Variants in LRRC27 observed in about 807,000 individuals in gnomAD.
LRRC27 encodes the protein leucine rich repeat containing 27, also known as leucine-rich repeat-containing protein 27.
In LRRC27, 57 loss-of-function variants were observed where a neutral mutation model predicts 55.0. That is an observed-to-expected ratio of 1.04 (90% CI 0.84 to 1.29). The LOEUF is 1.29. Ranked by LOEUF, LRRC27 falls within the 50% of genes most tolerant of loss-of-function variation. The probability of loss-of-function intolerance (pLI) is 0.00; values close to 1 mark genes in which losing one functional copy is unlikely to be tolerated. For missense variants in LRRC27, 721 were observed against 651.5 expected (o/e 1.11, Z -1.16); for synonymous variants, 278 against 251.9 (o/e 1.10, Z -0.98).
rs1287960442 is a variant in LRRC27, at chr10:132,379,848, GC to G, written c.*4607del. On this transcript the variant is annotated 3_prime_UTR_variant, in exon 11 of 11. Transcript: ENST00000368614. ...GTGGATTTTTAAAAAAATATATATT[GC>G]AAAAATTTTTGGAAATTTGCAACAA... 5 of 152,152 alleles carry G rather than the reference GC, an allele frequency of 3.3e-5. No homozygotes were observed. Among genetic ancestry groups the G allele is most frequent in the Non-Finnish European group, 7.3e-5 (5 of 68,114 alleles). 9.4% of individuals were successfully genotyped at this position (152,152 alleles called of 1,614,324 possible). A position where few individuals can be genotyped will look rare whatever the true frequency, so the allele number is the denominator to read the frequency against.
chr10:132,349,663 C>T (rs2067911250), intron 6 of LRRC27, among the ~76,000 whole-genome samples: 4 of 152,178 alleles, frequency 2.6e-5, no homozygotes, highest in Admixed American at 2.6e-4. Flanking sequence ...ATTAATCGTA[C>T]TTATAATTTG....
Position 132,380,843 on chromosome 10 carries a change from G to C in LRRC27, c.*5601G>C, listed in dbSNP as rs142884712. Among the ~76,000 whole-genome samples, 498 of 152,312 alleles carry C rather than the reference G, an allele frequency of 3.3e-3. 6 individuals are homozygous for C. Among genetic ancestry groups the C allele is most frequent in the African/African-American group, 0.011 (463 of 41,556 alleles). ...TTTCTTGATATGTTCCGTAGATTGA[G>C]GTTTACAGCTGCGGTTGCCTACCAA... is the stretch of plus-strand genomic sequence containing the variant. On this transcript the variant is annotated 3_prime_UTR_variant, in exon 11 of 11. Transcript: ENST00000368614.
rs560231853 is a variant in LRRC27, at chr10:132,346,278, A to G, written c.553+1628A>G. ...AAAAAATACATTAAGTAACTGGTCAAAAATAAGTATTTTCTGACTCTTTTC... is the reference window on the plus strand; with the variant it reads ...AAAAAATACATTAAGTAACTGGTCAGAAATAAGTATTTTCTGACTCTTTTC... On this transcript the variant is annotated intron_variant, in intron 5 of 10. Coordinates refer to ENST00000368614, the MANE Select transcript of LRRC27 (RefSeq NM_030626.3). 1.8e-3 allele frequency among the ~76,000 whole-genome samples: 270 copies of G among 148,496 alleles called. 1 individual carries two copies. The highest frequency in any genetic ancestry group is 6.3e-3 in the African/African-American group (250 of 39,872).
At chr10:132,352,828 C>T (rs1590669875) in intron 7 of LRRC27, 2 of 1,596,598 alleles carry the variant, frequency 1.3e-6, no homozygotes, top group East Asian at 2.3e-5. Context: ...CTGGCTTCCT[C>T]ACGACACCTG....
Position 132,374,938 on chromosome 10 carries a change from G to A in LRRC27, c.1417-128G>A. 2 of 1,030,316 alleles carry A rather than the reference G, an allele frequency of 1.9e-6. No individual in the cohort carries two copies. Among genetic ancestry groups the A allele is most frequent in the Non-Finnish European group, 2.8e-6 (2 of 714,074 alleles). 63.8% of individuals were successfully genotyped at this position (1,030,316 alleles called of 1,614,324 possible). A position where few individuals can be genotyped will look rare whatever the true frequency, so the allele number is the denominator to read the frequency against. On this transcript the variant is annotated intron_variant, in intron 10 of 10. Transcript: ENST00000368614. This position sits in a 1 kb window ranked among gnomAD's most constrained non-coding sequence, Gnocchi z 4.4. ...CGTGATGCGGCTTGCAGGGGCCCCG[G>A]GGCAGCGGGGCTGGCTCTGCTGACG...
chr10:132,362,654 AC>A (rs2068681512), intron 9 of LRRC27, among the ~76,000 whole-genome samples: 1 of 136,898 alleles, frequency 7.3e-6, no homozygotes, highest in Non-Finnish European at 1.6e-5. Flanking sequence ...TCCAGGGCTC[AC>A]CCTTCTCACC....
At chr10:132,331,345 G>A (rs140837622), upstream of LRRC27, 1,500 of 1,323,460 alleles carry the variant, frequency 1.1e-3, 13 homozygotes, top group East Asian at 0.023. Context: ...GGGACTCCAG[G>A]GTTCCACAGG....
At chr10:132,331,708 C>T (rs777726020), upstream of LRRC27, 8 of 1,612,682 alleles carry the variant, frequency 5.0e-6, no homozygotes, top group South Asian at 7.7e-5. Flanking sequence ...CGCCCCGGGC[C>T]CTCCGGCTCC....
At position 132,352,276 on chromosome 10, in the gene LRRC27, G is replaced by T. The variant is rs192520351; in HGVS notation, c.1073+523G>T. 4.1e-3 allele frequency among the ~76,000 whole-genome samples: 320 copies of T among 77,716 alleles called. 18 individuals carry two copies. Among genetic ancestry groups the T allele is most frequent in the Non-Finnish European group, 6.6e-3 (268 of 40,326 alleles). The allele number at this position is 77,716 out of a possible 152,430, so 51.0% of individuals were successfully genotyped here. A position where few individuals can be genotyped will look rare whatever the true frequency, so the allele number is the denominator to read the frequency against. On this transcript the variant is annotated intron_variant, in intron 7 of 10. Transcript: ENST00000368614. ...GCGTGCATGGGCTCCCTTGTTTGTA[G>T]CCCCGAGGCCTCCGGGTGGGGCAGG... is the stretch of plus-strand genomic sequence containing the variant.
intron 10 of LRRC27, chr10:132,367,027 T>C: frequency 8.8e-7 from 1 of 1,130,516 alleles, no homozygotes; most frequent in Non-Finnish European, 1.1e-6. Context: ...TATGACCTTG[T>C]CCTTGGACAC....
chr10:132,333,211 G>C (rs561128571), intron 1 of LRRC27, among the ~76,000 whole-genome samples: 210 of 152,256 alleles, frequency 1.4e-3, no homozygotes, highest in South Asian at 6.8e-3. Context: ...TCCCTAAAAT[G>C]ATCATTACTA....
chr10:132,371,627 G>A (rs1443082268), intron 10 of LRRC27, among the ~76,000 whole-genome samples: 1 of 152,174 alleles, frequency 6.6e-6, no homozygotes, highest in Non-Finnish European at 1.5e-5. Flanking sequence ...GTCTCAGCTG[G>A]GCACAGGCTG....
At chr10:132,332,681 A>G (rs2066852512) in intron 1 of LRRC27, 1 of 151,800 alleles carries the variant, frequency 6.6e-6, no homozygotes, top group Admixed American at 6.6e-5. Context: ...CTTCCATGGA[A>G]TGCAGGCTGC....
In LRRC27 at chr10:132,378,537, G is replaced by A. The variant is rs1048100200; in HGVS notation, c.*3295G>A. ...CGCCCGTGTGTATGTGCATATGTGA[G>A]TGTGTGTGGCTGTAACCTGCACGTC... On this transcript the variant is annotated 3_prime_UTR_variant, in exon 11 of 11. Coordinates refer to ENST00000368614, the MANE Select transcript of LRRC27 (RefSeq NM_030626.3). 1 of 152,196 alleles carries A rather than the reference G, an allele frequency of 6.6e-6. No individual in the cohort carries two copies. Among genetic ancestry groups the A allele is most frequent in the Non-Finnish European group, 1.5e-5 (1 of 68,092 alleles). The allele number at this position is 152,196 out of a possible 1,614,324, so 9.4% of individuals were successfully genotyped here.
At chr10:132,365,396 A>G in intron 9 of LRRC27, 28 bp from the exon 10 acceptor site, 2 of 1,612,364 alleles carry the variant, frequency 1.2e-6, no homozygotes, top group Non-Finnish European at 1.7e-6. Context: ...GTGTCAAGTC[A>G]TTTCCCTCTT....
At chr10:132,366,355 A>T (rs7476631) in intron 10 of LRRC27, 22,565 of 152,552 alleles carry the variant, frequency 0.15, 2,210 homozygotes, top group Non-Finnish European at 0.23. Context: ...CCTAAGCAGA[A>T]CTGCTCACGG....
chr10:132,361,366 G>A (rs2068607876), intron 8 of LRRC27, 91 bp from the exon 9 acceptor site: 5 of 1,086,860 alleles, frequency 4.6e-6, no homozygotes, highest in African/African-American at 3.1e-5. Context: ...CTTCGTGGAC[G>A]AGGAGCTAGT....
At chr10:132,338,680 T>C (rs537287499) in intron 3 of LRRC27, among the ~76,000 whole-genome samples, 11 of 152,092 alleles carry the variant, frequency 7.2e-5, no homozygotes, top group African/African-American at 2.6e-4. Flanking sequence ...AAGCCATGAT[T>C]GCCCTTAACT....
chr10:132,335,863 G>A (rs754940569), intron 2 of LRRC27, among the ~76,000 whole-genome samples: 1 of 152,166 alleles, frequency 6.6e-6, no homozygotes, highest in African/African-American at 2.4e-5. Flanking sequence ...CGGACAAAAC[G>A]AGCTATTTTG....
Sources: allele counts gnomAD v4.1 joint callset (sites outside exome capture counted in the v4.1 genomes callset), GRCh38; gene constraint gnomAD v4.1.1; non-coding constraint Gnocchi (gnomAD v3.1); transcripts MANE v1.5; gene names NCBI Gene and HGNC (gene_info 2026-07-23, HGNC 2026-07-21).